The following NUFIP1 variants were observed in gnomAD, a reference collection of about 807,000 sequenced individuals.
The protein encoded by NUFIP1 is FMR1-interacting protein NUFIP1.
In NUFIP1, 38 loss-of-function variants were observed where a neutral mutation model predicts 56.2. The ratio of observed to expected loss-of-function variants is 0.68; its 90% CI spans 0.52 to 0.89. The LOEUF is 0.89. NUFIP1 is among the 40% of genes least tolerant of loss of function. The probability of loss-of-function intolerance (pLI) is 0.00; values close to 1 mark genes in which losing one functional copy is unlikely to be tolerated. For missense variants in NUFIP1, 567 were observed against 605.8 expected, an observed-to-expected ratio of 0.94 and a Z score of 0.67; for synonymous variants, 215 against 212.4, an observed-to-expected ratio of 1.01 and a Z score of -0.10.
intron 1 of NUFIP1, among the ~76,000 whole-genome samples, chr13:44,985,955 C>T (rs1046691583): frequency 6.6e-6 from 1 of 152,176 alleles, no homozygotes; most frequent in Non-Finnish European, 1.5e-5. Flanking sequence ...AACGGCTAGC[C>T]AAGTTGTGAA....
At position 44,954,546 on chromosome 13, in the gene NUFIP1, ACAC is replaced by A. The variant is rs563938845; in HGVS notation, c.1022-4711_1022-4709del. ...CCTTTGAATGCCTTGTCCGCTCTAA[ACAC>A]CAACTGTAAAAGCTTCCTATCTGGC... is the stretch of plus-strand genomic sequence containing the variant. On this transcript the variant is annotated intron_variant, in intron 7 of 9. Coordinates refer to ENST00000379161, the MANE Select transcript of NUFIP1 (RefSeq NM_012345.3). 1.6e-4 allele frequency among the ~76,000 whole-genome samples: 24 copies of A among 152,220 alleles called. No individual in the cohort carries two copies. The East Asian group carries it at 4.1e-3, about 26-fold the overall frequency.
rs1593357999 is a variant in NUFIP1, at chr13:44,949,597, C to T, written c.1138+125G>A. On this transcript the variant is annotated intron_variant, in intron 8 of 9. Coordinates refer to ENST00000379161, the MANE Select transcript of NUFIP1 (RefSeq NM_012345.3). Reference sequence around the variant, plus strand: ...ACCCATGTTAACTTTACTTCTGATTCAAATGGAAAAGGAATTTGAAAACCA... The same window carrying T: ...ACCCATGTTAACTTTACTTCTGATTTAAATGGAAAAGGAATTTGAAAACCA... 28 of 623,486 alleles carry T rather than the reference C, an allele frequency of 4.5e-5. No individual in the cohort carries two copies. In the East Asian group the frequency reaches 7.7e-4, roughly 17 times the overall value. 38.6% of individuals were successfully genotyped at this position (623,486 alleles called of 1,614,324 possible).
chr13:44,971,546 C>A (rs1296757330), intron 5 of NUFIP1, among the ~76,000 whole-genome samples: 5 of 152,296 alleles, frequency 3.3e-5, no homozygotes, highest in African/African-American at 1.2e-4. Flanking sequence ...TTCCACTGTG[C>A]CACCAAGAAC....
At position 44,975,699 on chromosome 13, in the gene NUFIP1, T is replaced by C. The variant is rs1005567226; in HGVS notation, c.734+3491A>G. Among the ~76,000 whole-genome samples, 6 of 152,196 alleles carry C rather than the reference T, an allele frequency of 3.9e-5. No individual in the cohort carries two copies. The East Asian group carries it at 1.2e-3, about 29-fold the overall frequency. ...AATTCAGCTACCCCTGCCTTTGTCA[T>C]GAAACACCCTAATCTTCCAGACTAG... On this transcript the variant is annotated intron_variant, in intron 5 of 9. Transcript: ENST00000379161.
intron 7 of NUFIP1, among the ~76,000 whole-genome samples, chr13:44,956,740 G>A (rs969368415): frequency 6.6e-6 from 1 of 152,174 alleles, no homozygotes; most frequent in South Asian, 2.1e-4. Context: ...TAGTAAGGCA[G>A]GCAATAGGGA....
At chr13:44,983,453 A>C (rs899504756) in intron 1 of NUFIP1, among the ~76,000 whole-genome samples, 5 of 152,048 alleles carry the variant, frequency 3.3e-5, no homozygotes, top group South Asian at 2.1e-4. Context: ...CTGGGATTAC[A>C]GGCGTGAGCC....
intron 7 of NUFIP1, among the ~76,000 whole-genome samples, chr13:44,957,138 GTTCCCATCC>G (rs1871272531): frequency 6.6e-6 from 1 of 152,130 alleles, no homozygotes; most frequent in Non-Finnish European, 1.5e-5. Context: ...AAATAGGCAT[GTTCCCATCC>G]TTGACCCTCA....
At chr13:44,980,615 C>T (rs1872153695) in intron 3 of NUFIP1, 107 bp downstream of exon 3, 1 of 818,306 alleles carries the variant, frequency 1.2e-6, no homozygotes, top group Non-Finnish European at 2.0e-6. Context: ...TATATCTCTA[C>T]AGAAACTATA....
chr13:44,967,109 T>A (rs1871631687), intron 5 of NUFIP1, among the ~76,000 whole-genome samples: 2 of 150,000 alleles, frequency 1.3e-5, no homozygotes, highest in African/African-American at 4.9e-5. Flanking sequence ...GGGGTAGGGG[T>A]GGAATGGAAA....
Position 44,980,828 on chromosome 13 carries a change from C to T in NUFIP1, c.496-8G>A, listed in dbSNP as rs1872163212. The T allele has an allele frequency of 6.4e-7, 1 of 1,566,168 alleles. No individual in the cohort carries two copies. The highest frequency in any genetic ancestry group is 1.4e-5 in the African/African-American group (1 of 72,422). On this transcript the variant is annotated splice_region_variant and splice_polypyrimidine_tract_variant and intron_variant, in intron 2 of 9. Coordinates refer to ENST00000379161, the MANE Select transcript of NUFIP1 (RefSeq NM_012345.3). ...AACTGGTTCCTTTCTTTTCTGCAAA[C>T]AAAAACAGAGAGGAATTAGGCTTTT...
intron 6 of NUFIP1, among the ~76,000 whole-genome samples, chr13:44,963,912 T>C (rs769026129): frequency 2.2e-4 from 34 of 152,224 alleles, no homozygotes; most frequent in Admixed American, 6.5e-4. Context: ...TTACAAAATA[T>C]TCCTATTTAT....
chr13:44,974,405 T>C (rs1871900377), intron 5 of NUFIP1, among the ~76,000 whole-genome samples: 1 of 152,076 alleles, frequency 6.6e-6, no homozygotes, highest in Non-Finnish European at 1.5e-5. Flanking sequence ...GTAAAGAGGA[T>C]GGGAAGCCTC....
intron 5 of NUFIP1, among the ~76,000 whole-genome samples, chr13:44,978,950 G>C (rs1275841230): frequency 6.6e-6 from 1 of 152,146 alleles, no homozygotes; most frequent in Non-Finnish European, 1.5e-5. Flanking sequence ...CATCTGACAG[G>C]TGACATGCAG....
intron 1 of NUFIP1, among the ~76,000 whole-genome samples, chr13:44,984,303 G>A (rs1872305148): frequency 6.6e-6 from 1 of 152,106 alleles, no homozygotes; most frequent in Non-Finnish European, 1.5e-5. Context: ...TATCTCATCT[G>A]ACTCAGCCAA....
At chr13:44,981,149 T>C (rs866422664) in intron 2 of NUFIP1, among the ~76,000 whole-genome samples, 6 of 152,128 alleles carry the variant, frequency 3.9e-5, no homozygotes, top group Non-Finnish European at 8.8e-5. Context: ...ATAAATAGAA[T>C]AAAAACAGCA....
intron 8 of NUFIP1, among the ~76,000 whole-genome samples, chr13:44,945,189 G>A (rs1464902022): frequency 6.6e-6 from 1 of 151,630 alleles, no homozygotes; most frequent in Non-Finnish European, 1.5e-5. Context: ...AAAAGAGGAG[G>A]ACATCATTAT....
At chr13:44,966,063 G>T in intron 5 of NUFIP1, 127 bp from the exon 6 acceptor site, 1 of 437,440 alleles carries the variant, frequency 2.3e-6, no homozygotes, top group South Asian at 6.4e-5. Flanking sequence ...ACCTTTAACT[G>T]CTTCTACAAT....
intron 3 of NUFIP1, among the ~76,000 whole-genome samples, 160 bp downstream of exon 3, chr13:44,980,562 T>G (rs1341183780): frequency 6.6e-6 from 1 of 152,194 alleles, no homozygotes; most frequent in Non-Finnish European, 1.5e-5. Flanking sequence ...ATCCCCACTT[T>G]CAAACCCCAG....
At chr13:44,971,545 G>A (rs2137915151) in intron 5 of NUFIP1, among the ~76,000 whole-genome samples, 1 of 152,170 alleles carries the variant, frequency 6.6e-6, no homozygotes, top group African/African-American at 2.4e-5. Flanking sequence ...ATTCCACTGT[G>A]CCACCAAGAA....
Sources: gnomAD v4.1 joint callset for allele counts (sites outside exome capture counted in the v4.1 genomes callset) on GRCh38, gnomAD v4.1.1 for gene constraint, MANE v1.5 for transcripts, NCBI Gene and HGNC (gene_info 2026-07-23, HGNC 2026-07-21) for gene names.